Variants in H2BC18 observed in about 807,000 individuals in gnomAD.
The protein encoded by H2BC18 is H2B clustered histone 18, also known as histone H2B type 2-F.
H2BC18 carries 8 observed loss-of-function variants against 6.3 expected under a neutral mutation model. The observed-to-expected ratio is 1.28, with a 90% CI of 0.75 to 2.31. H2BC18 has a LOEUF of 2.31. Ranked by LOEUF, H2BC18 falls within the 30% of genes most tolerant of loss-of-function variation. The pLI is 0.00. For missense variants in H2BC18, 106 were observed against 174.5 expected (o/e 0.61, Z 2.21); for synonymous variants, 104 against 78.1 (o/e 1.33, Z -1.75).
intron 1 of H2BC18, among the ~76,000 whole-genome samples, chr1:149,793,428 C>A (rs1388564863): frequency 5.9e-5 from 9 of 152,100 alleles, no homozygotes; most frequent in African/African-American, 2.2e-4. Flanking sequence ...GACTCGGGAA[C>A]CGCCGAGCTT....
At chr1:149,803,800 G>A (rs2101479369) in intron 1 of H2BC18, 1 of 152,320 alleles carries the variant, frequency 6.6e-6, no homozygotes, top group South Asian at 2.1e-4. Context: ...ATTGTATAAT[G>A]AGTTCTTGAC....
intron 1 of H2BC18, chr1:149,790,206 G>A (rs587746313): frequency 6.8e-6 from 11 of 1,613,714 alleles, no homozygotes; most frequent in South Asian, 2.2e-5. Flanking sequence ...GACCCTGCGA[G>A]GCAGGAACAC....
Position 149,812,264 on chromosome 1 carries a change from C to A in H2BC18, c.60G>T (p.Thr20=). ...TCTTGCCGTCCTTCTTCTGCACTTT[C>A]GTAACAGCCTTTTTGGAGCCCTTCT... The part of the protein sequence containing the change: ...APKKGSKKAV[T]KVQKKDGKKR... Residue 20 remains threonine, a synonymous_variant, in exon 1 of 1, where the codon ACG becomes ACT. Transcript: ENST00000369167. 1 of 1,614,232 alleles carries A rather than the reference C, an allele frequency of 6.2e-7. No homozygotes were observed.
At chr1:149,808,273 C>T (rs1461100841), downstream of H2BC18, among the ~76,000 whole-genome samples, 2 of 152,178 alleles carry the variant, frequency 1.3e-5, no homozygotes, top group Admixed American at 1.3e-4. Flanking sequence ...CCAGTTGAAC[C>T]TTATGGACTT....
In H2BC18 at chr1:149,811,939, A is replaced by C; in HGVS notation, c.*4T>G. 1 of 1,611,530 alleles carries C rather than the reference A, an allele frequency of 6.2e-7. No individual in the cohort carries two copies. Among genetic ancestry groups the C allele is most frequent in the Non-Finnish European group, 8.5e-7 (1 of 1,178,152 alleles). On this transcript the variant is annotated 3_prime_UTR_variant, in exon 1 of 1. Transcript: ENST00000369167. ...GGTTGATCTATTGCGTCCCTTGCAC[A>C]CTCTTACTTCGAGCTGGTGTACTTG...
chr1:149,800,526 A>G (rs1352244945), intron 1 of H2BC18, among the ~76,000 whole-genome samples: 2 of 141,440 alleles, frequency 1.4e-5, no homozygotes, highest in African/African-American at 5.4e-5. Context: ...AAACAAAACG[A>G]CATCACACTT....
downstream of H2BC18, chr1:149,811,343 A>G (rs1553754422): frequency 6.3e-6 from 1 of 158,788 alleles, no homozygotes; most frequent in African/African-American, 2.4e-5. Flanking sequence ...TGGTGGCAAT[A>G]TATCTCCCTG....
At chr1:149,789,601 G>A (rs2091649693) in intron 1 of H2BC18, among the ~76,000 whole-genome samples, 1 of 152,132 alleles carries the variant, frequency 6.6e-6, no homozygotes, top group South Asian at 2.1e-4. Context: ...GGGCTGCACA[G>A]CAGGAGGTGA....
At chr1:149,785,407 CGTTT>C (rs1358676177) in intron 1 of H2BC18, among the ~76,000 whole-genome samples, 6 of 74,544 alleles carry the variant, frequency 8.0e-5, no homozygotes, top group Admixed American at 2.9e-4. Flanking sequence ...AGAGCTGTTT[CGTTT>C]TTTTTTTTTT....
chr1:149,806,043 C>T (rs1174409994), intron 1 of H2BC18, among the ~76,000 whole-genome samples: 1 of 152,164 alleles, frequency 6.6e-6, no homozygotes, highest in Non-Finnish European at 1.5e-5. Flanking sequence ...GCAAGGGCAA[C>T]ACATACATAT....
At chr1:149,790,259 T>G in intron 1 of H2BC18, 1 of 1,600,634 alleles carries the variant, frequency 6.2e-7, no homozygotes, top group Non-Finnish European at 8.5e-7. Context: ...GAGAAGACTC[T>G]GGGTTATACT....
chr1:149,793,025 G>A (rs1304772603), intron 1 of H2BC18: 1 of 1,264,234 alleles, frequency 7.9e-7, no homozygotes, highest in Non-Finnish European at 1.0e-6. Context: ...CCCCGCCCCG[G>A]GCCCGCCAGC....
intron 1 of H2BC18, among the ~76,000 whole-genome samples, chr1:149,796,482 G>C (rs1208062184): frequency 6.6e-6 from 1 of 152,160 alleles, no homozygotes; most frequent in Non-Finnish European, 1.5e-5. Context: ...CAGTTCTTCT[G>C]GAAGGGCAGA....
downstream of H2BC18, chr1:149,810,965 C>T (rs2091966163): frequency 6.6e-6 from 1 of 152,140 alleles, no homozygotes; most frequent in African/African-American, 2.4e-5. Context: ...AGTTTGGAAC[C>T]AAGACAGGGT....
At position 149,812,306 on chromosome 1, in the gene H2BC18, T is replaced by C. The variant is rs2091988234; in HGVS notation, c.18A>G (p.Lys6=). ...AGCCCTTCTTGGGAGCAGGAGCGGA[T>C]TTCGCTGGATCCGGCATTTTTGCGC... MPDPA[K]SAPAPKKGSK... The change falls in exon 1 of 1, where the codon AAA becomes AAG. Residue 6 remains lysine (K), a synonymous_variant. Transcript: ENST00000369167. The C allele has an allele frequency of 1.9e-6, 3 of 1,614,088 alleles. No individual in the cohort carries two copies. Among genetic ancestry groups the C allele is most frequent in the African/African-American group, 2.7e-5 (2 of 74,924 alleles).
In H2BC18 at chr1:149,789,390, C is replaced by G. The variant is rs587623332; in HGVS notation, c.378-6130G>C. ...CCTGGGCAACAGAGCGAGACTACGT[C>G]TCAAATAATAATAATAATAATAATA... On this transcript the variant is annotated intron_variant, in intron 1 of 1. Coordinates refer to the H2BC18 transcript ENST00000545683. Among the ~76,000 whole-genome samples, 39 of 129,026 alleles carry G rather than the reference C, an allele frequency of 3.0e-4. 1 individual carries two copies. The South Asian group carries it at 8.1e-3, about 27-fold the overall frequency. The allele number at this position is 129,026 out of a possible 152,430, so 84.6% of individuals were successfully genotyped here.
chr1:149,791,764 G>A (rs2091719761), intron 1 of H2BC18: 1 of 548,312 alleles, frequency 1.8e-6, no homozygotes, highest in Non-Finnish European at 3.2e-6. Context: ...AGCCTAGCCT[G>A]ATAATCCTAT....
Position 149,789,951 on chromosome 1 carries a change from T to C in H2BC18, c.378-6691A>G, listed in dbSNP as rs1230202484. On this transcript the variant is annotated intron_variant, in intron 1 of 1. Coordinates refer to the H2BC18 transcript ENST00000545683. Reference sequence around the variant, plus strand: ...AAAGGGTTAATGCCTTATGGATGCATTTTCTAGGGCCAGGTTTCCCAAGGG... The same window carrying C: ...AAAGGGTTAATGCCTTATGGATGCACTTTCTAGGGCCAGGTTTCCCAAGGG... 1.9e-6 allele frequency: 3 copies of C among 1,606,838 alleles called. No individual in the cohort carries two copies. In the East Asian group the frequency reaches 6.7e-5, roughly 36 times the overall value.
At chr1:149,788,521 A>G (rs782277716) in intron 1 of H2BC18, 2 of 1,613,858 alleles carry the variant, frequency 1.2e-6, no homozygotes, top group Middle Eastern at 3.3e-4. Flanking sequence ...TAACCTCACC[A>G]TTCTGAAAAC....
Sources: allele counts gnomAD v4.1 joint callset (sites outside exome capture counted in the v4.1 genomes callset), GRCh38; gene constraint gnomAD v4.1.1; transcripts MANE v1.5; gene names NCBI Gene and HGNC (gene_info 2026-07-23, HGNC 2026-07-21).